SPATA17: variants seen among roughly 807,000 people sequenced by gnomAD.
SPATA17 encodes the protein spermatogenesis-associated protein 17.
SPATA17 carries 53 observed loss-of-function variants against 62.2 expected under a neutral mutation model. The ratio of observed to expected loss-of-function variants is 0.85; its 90% CI spans 0.68 to 1.07. The LOEUF (loss-of-function observed/expected upper bound fraction) is 1.07, where lower values mean the gene tolerates loss of function less well. Among genes scored for constraint, SPATA17 ranks in the 50% least tolerant of loss-of-function variants. The pLI is 0.00. For synonymous variants in SPATA17, 146 were observed against 146.8 expected (o/e 0.99, Z 0.04); for missense variants, 466 against 425.5 (o/e 1.10, Z -0.84).
chr1:217,810,146 T>G (rs1002880239), intron 9 of SPATA17, among the ~76,000 whole-genome samples: 24 of 152,200 alleles, frequency 1.6e-4, no homozygotes, highest in African/African-American at 5.5e-4. Context: ...TCATATATTC[T>G]GAGGTATTTT....
intron 3 of SPATA17, among the ~76,000 whole-genome samples, chr1:217,654,524 G>A (rs917765990): frequency 1.3e-5 from 2 of 151,948 alleles, no homozygotes; most frequent in East Asian, 1.9e-4. Context: ...CAGAAAAGTT[G>A]CAAAAATAGT....
chr1:217,689,462 G>A (rs1231127006), intron 5 of SPATA17, among the ~76,000 whole-genome samples: 1 of 152,020 alleles, frequency 6.6e-6, no homozygotes, highest in African/African-American at 2.4e-5. Context: ...CTGGCCTCAG[G>A]TGATCTGGCC....
At chr1:217,744,835 T>G (rs2102950500) in intron 6 of SPATA17, among the ~76,000 whole-genome samples, 1 of 152,312 alleles carries the variant, frequency 6.6e-6, no homozygotes, top group South Asian at 2.1e-4. Flanking sequence ...AAGCCTCTGC[T>G]TCCGTCTGCA....
chr1:217,772,992 A>G (rs548387491), intron 6 of SPATA17, among the ~76,000 whole-genome samples: 1 of 151,982 alleles, frequency 6.6e-6, no homozygotes, highest in East Asian at 1.9e-4. Context: ...TGCATTTGGT[A>G]TAGGATGTTG....
At chr1:217,787,107 T>G (rs529709914) in intron 8 of SPATA17, among the ~76,000 whole-genome samples, 22 of 152,140 alleles carry the variant, frequency 1.4e-4, no homozygotes, top group Non-Finnish European at 2.8e-4. Context: ...CAAGTCCTGT[T>G]TATTCTACCT....
At chr1:217,753,677 A>G (rs1297061578) in intron 6 of SPATA17, among the ~76,000 whole-genome samples, 1 of 152,034 alleles carries the variant, frequency 6.6e-6, no homozygotes, top group Non-Finnish European at 1.5e-5. Context: ...ATACATGTAT[A>G]CATGTTATGT....
intron 7 of SPATA17, among the ~76,000 whole-genome samples, chr1:217,780,892 T>G (rs575008176): frequency 6.6e-6 from 1 of 152,088 alleles, no homozygotes; most frequent in South Asian, 2.1e-4. Flanking sequence ...CTCCTTGTCA[T>G]AAAACCAAAT....
In SPATA17 at chr1:217,867,464, A is replaced by T. The variant is rs895756894; in HGVS notation, c.*445A>T. On this transcript the variant is annotated 3_prime_UTR_variant, in exon 11 of 11. Coordinates refer to ENST00000366933, the MANE Select transcript of SPATA17 (RefSeq NM_138796.4). ...GCTCTGCCCTGAGAAATAATGACTG[A>T]TTATACCAGTTAGAAACCCTTCAGA... is the stretch of plus-strand genomic sequence containing the variant. 6.6e-6 allele frequency: 1 copy of T among 152,218 alleles called. No individual in the cohort carries two copies. The highest frequency in any genetic ancestry group is 2.4e-5 in the African/African-American group (1 of 41,460). 9.4% of individuals were successfully genotyped at this position (152,218 alleles called of 1,614,324 possible).
At chr1:217,850,665 G>A (rs72730524) in intron 9 of SPATA17, 67,700 of 1,526,080 alleles carry the variant, frequency 0.044, 1,765 homozygotes, top group Non-Finnish European at 0.051. Context: ...AGGATGCTGC[G>A]AATCGCCAGT....
chr1:217,807,029 GA>G (rs1674450746), intron 9 of SPATA17, among the ~76,000 whole-genome samples: 1 of 152,004 alleles, frequency 6.6e-6, no homozygotes, highest in South Asian at 2.1e-4. Flanking sequence ...TATAGATAGG[GA>G]AAAAAATTGT....
At chr1:217,685,988 A>C (rs1671207694) in intron 5 of SPATA17, among the ~76,000 whole-genome samples, 1 of 151,858 alleles carries the variant, frequency 6.6e-6, no homozygotes, top group Non-Finnish European at 1.5e-5. Context: ...TTATAAATTA[A>C]ACTTTATCAT....
At chr1:217,753,815 A>C (rs1672974663) in intron 6 of SPATA17, among the ~76,000 whole-genome samples, 1 of 152,160 alleles carries the variant, frequency 6.6e-6, no homozygotes, top group Non-Finnish European at 1.5e-5. Context: ...CCAATTTCTT[A>C]CCTCAGTGTA....
chr1:217,760,754 G>A (rs146385289), intron 6 of SPATA17, among the ~76,000 whole-genome samples: 11 of 152,152 alleles, frequency 7.2e-5, no homozygotes, highest in African/African-American at 2.7e-4. Context: ...TGTAATTCTG[G>A]AGGTTTTTCT....
At chr1:217,810,911 T>C (rs1349967159) in intron 9 of SPATA17, among the ~76,000 whole-genome samples, 1 of 152,010 alleles carries the variant, frequency 6.6e-6, no homozygotes, top group Non-Finnish European at 1.5e-5. Flanking sequence ...TCCAATCACC[T>C]CCTGCCAGAT....
chr1:217,698,237 C>T (rs772551766), intron 5 of SPATA17, among the ~76,000 whole-genome samples: 133 of 152,202 alleles, frequency 8.7e-4, no homozygotes, highest in Non-Finnish European at 1.4e-3. Flanking sequence ...AGTTTGAGAA[C>T]AGCCTGGCTA....
At chr1:217,725,217 C>A (rs757577845) in intron 5 of SPATA17, among the ~76,000 whole-genome samples, 1 of 152,178 alleles carries the variant, frequency 6.6e-6, no homozygotes, top group South Asian at 2.1e-4. Flanking sequence ...TGCTTCATCT[C>A]TTACTGTAAG....
intron 9 of SPATA17, among the ~76,000 whole-genome samples, chr1:217,824,350 A>G (rs1390193785): frequency 6.6e-6 from 1 of 151,742 alleles, no homozygotes; most frequent in African/African-American, 2.4e-5. Flanking sequence ...TATACTATAT[A>G]TACTTAAAAT....
chr1:217,634,314 A>T (rs1669889270), intron 1 of SPATA17, among the ~76,000 whole-genome samples: 1 of 152,126 alleles, frequency 6.6e-6, no homozygotes, highest in Admixed American at 6.5e-5. Context: ...GCATTAGGGG[A>T]TCAGAGTTTT....
At chr1:217,821,453 C>T (rs1448446625) in intron 9 of SPATA17, among the ~76,000 whole-genome samples, 1 of 152,124 alleles carries the variant, frequency 6.6e-6, no homozygotes, top group Admixed American at 6.6e-5. Context: ...TTAAATGGTG[C>T]TGTGAAGTCA....
Sources: allele counts gnomAD v4.1 joint callset (sites outside exome capture counted in the v4.1 genomes callset), GRCh38; gene constraint gnomAD v4.1.1; transcripts MANE v1.5; gene names NCBI Gene and HGNC (gene_info 2026-07-23, HGNC 2026-07-21).